FBLN1: variants seen among roughly 807,000 people sequenced by gnomAD.
FBLN1 encodes fibulin 1, also known as fibulin-1.
A neutral mutation model predicts 89.7 loss-of-function variants in FBLN1; 34 were observed. The observed-to-expected ratio is 0.38, with a 90% CI of 0.29 to 0.50. FBLN1 has a LOEUF of 0.50. Among genes scored for constraint, FBLN1 ranks in the 20% least tolerant of loss-of-function variants. The pLI is 0.92. For synonymous variants in FBLN1, 393 were observed against 391.3 expected (o/e 1.00, Z -0.05); for missense variants, 777 against 988.1 (o/e 0.79, Z 2.86).
intron 16 of FBLN1, among the ~76,000 whole-genome samples, chr22:45,593,315 G>A (rs1026319033): frequency 6.6e-6 from 1 of 152,080 alleles, no homozygotes; most frequent in African/African-American, 2.4e-5. Flanking sequence ...CACTGCACCC[G>A]AGCACTTCGT....
chr22:45,563,906 G>A lies in FBLN1; in HGVS notation c.1698-10605G>A, dbSNP rs933461259. On this transcript the variant is annotated intron_variant, in intron 14 of 16. Transcript: ENST00000327858. The surrounding 1 kb of genome is among the most constrained non-coding windows in gnomAD (Gnocchi z 5.7). Reference sequence around the variant, plus strand: ...GTGCAGAAACACGGGATGCGGTTGCGGCTCCTAGGATGCAGCTCTTGCCTC... The same window carrying A: ...GTGCAGAAACACGGGATGCGGTTGCAGCTCCTAGGATGCAGCTCTTGCCTC... Among the ~76,000 whole-genome samples, 2 of 152,186 alleles carry A rather than the reference G, an allele frequency of 1.3e-5. No individual in the cohort carries two copies. The highest frequency in any genetic ancestry group is 4.8e-5 in the African/African-American group (2 of 41,452).
rs2088863134 is a variant in FBLN1, at chr22:45,562,775, C to T, written c.1698-11736C>T. Reference sequence around the variant, plus strand: ...CTCCCGCAGGTGAGTGAGGTGTGCCCTTCGTGTTGGCTGAATCGGCCAGAG... The same window carrying T: ...CTCCCGCAGGTGAGTGAGGTGTGCCTTTCGTGTTGGCTGAATCGGCCAGAG... On this transcript the variant is annotated intron_variant, in intron 14 of 16. Transcript: ENST00000327858. This position sits in a 1 kb window ranked among gnomAD's most constrained non-coding sequence, Gnocchi z 7.8. The T allele has an allele frequency of 3.5e-6, 3 of 857,604 alleles. No homozygotes were observed. The allele number at this position is 857,604 out of a possible 1,614,324, so 53.1% of individuals were successfully genotyped here. A position where few individuals can be genotyped will look rare whatever the true frequency, so the allele number is the denominator to read the frequency against.
intron 6 of FBLN1, 120 bp downstream of exon 6, chr22:45,533,284 C>G: frequency 1.1e-6 from 1 of 907,468 alleles, no homozygotes; most frequent in Non-Finnish European, 1.8e-6. Flanking sequence ...GGGTGGAGAG[C>G]AGCCCAGGAC....
intron 8 of FBLN1, among the ~76,000 whole-genome samples, chr22:45,541,010 G>A (rs528406029): frequency 2.9e-4 from 44 of 152,378 alleles, no homozygotes; most frequent in African/African-American, 9.9e-4. Context: ...TTTAGGGACA[G>A]GAAGAAGGGC....
rs9614490 is a variant in FBLN1 at position 45,556,732 on chromosome 22, C to G, written c.1697+6117C>G. On this transcript the variant is annotated intron_variant, in intron 14 of 16. Transcript: ENST00000327858. The surrounding 1 kb of genome is among the most constrained non-coding windows in gnomAD (Gnocchi z 4.6). ...GTTGACTTAAAGGTAGGAGGAGCTT[C>G]AAGTGTCCAGGTGGCAATCTTAATT... is the stretch of plus-strand genomic sequence containing the variant. 6.6e-6 allele frequency among the ~76,000 whole-genome samples: 1 copy of G among 152,140 alleles called. No individual in the cohort carries two copies. The highest frequency in any genetic ancestry group is 1.5e-5 in the Non-Finnish European group (1 of 68,028).
At chr22:45,518,513 G>T in intron 1 of FBLN1, 169 bp from the exon 2 acceptor site, 1 of 666,206 alleles carries the variant, frequency 1.5e-6, no homozygotes, top group Non-Finnish European at 2.7e-6. Context: ...TCGCAGCTGG[G>T]GTCTGGTGGG....
At chr22:45,542,924 T>C (rs1337992983) in intron 10 of FBLN1, among the ~76,000 whole-genome samples, 1 of 152,240 alleles carries the variant, frequency 6.6e-6, no homozygotes, top group African/African-American at 2.4e-5. Flanking sequence ...GCTCTCCCAC[T>C]GACTTCCCGC....
At chr22:45,596,767 ATATT>A (rs990838881) in intron 16 of FBLN1, among the ~76,000 whole-genome samples, 4 of 147,396 alleles carry the variant, frequency 2.7e-5, no homozygotes, top group Non-Finnish European at 6.0e-5. Flanking sequence ...ACAAATATGG[ATATT>A]TATATATAAT....
intron 1 of FBLN1, among the ~76,000 whole-genome samples, chr22:45,512,195 G>T (rs375834326): frequency 1.3e-5 from 2 of 151,966 alleles, no homozygotes; most frequent in Non-Finnish European, 2.9e-5. Flanking sequence ...AGAAGCAGGC[G>T]TGGCTTCGGT....
chr22:45,511,957 G>A (rs974218037), intron 1 of FBLN1, among the ~76,000 whole-genome samples: 17 of 152,124 alleles, frequency 1.1e-4, no homozygotes, highest in Non-Finnish European at 2.9e-5. Context: ...CAGATGCAGG[G>A]GTCAGATTGA....
chr22:45,575,317 G>A lies in FBLN1; in HGVS notation c.1840+664G>A, dbSNP rs561035661. Among the ~76,000 whole-genome samples, 9 of 152,262 alleles carry A rather than the reference G, an allele frequency of 5.9e-5. No homozygotes were observed. The East Asian group carries it at 1.4e-3, about 23-fold the overall frequency. ...AGTGGTGAGGTATTTGAGTGAAAGGGGGAGAAGGGGAGGAGGGTGCCCAGT... is the reference window on the plus strand; with the variant it reads ...AGTGGTGAGGTATTTGAGTGAAAGGAGGAGAAGGGGAGGAGGGTGCCCAGT... On this transcript the variant is annotated intron_variant, in intron 15 of 16. Coordinates refer to ENST00000327858, the MANE Select transcript of FBLN1 (RefSeq NM_006486.3). The surrounding 1 kb of genome is among the most constrained non-coding windows in gnomAD (Gnocchi z 6.3).
In FBLN1 at chr22:45,550,512, G is replaced by A; in HGVS notation, c.1594G>A (p.Gly532Ser). Residue 532 changes from glycine to serine, a missense_variant, in exon 14 of 17, where the codon GGC (glycine) becomes AGC (serine). Transcript: ENST00000327858. This position sits in a 1 kb window ranked among gnomAD's most constrained non-coding sequence, Gnocchi z 8.4. ...NCQDIDECVTGIHNCSINETC... is the reference protein window; with the variant it reads ...NCQDIDECVTSIHNCSINETC... ...TGCAGACATTGATGAGTGTGTGACT[G>A]GCATCCACAACTGCTCCATCAACGA... is the stretch of plus-strand genomic sequence containing the variant. The A allele has an allele frequency of 1.9e-6, 3 of 1,614,086 alleles. No homozygotes were observed. The highest frequency in any genetic ancestry group is 2.2e-5 in the East Asian group (1 of 44,878).
chr22:45,570,401 A>T (rs2088943420), intron 14 of FBLN1, among the ~76,000 whole-genome samples: 1 of 151,376 alleles, frequency 6.6e-6, no homozygotes, highest in Non-Finnish European at 1.5e-5. Context: ...AGGAAAATAG[A>T]AAAATCGAGT....
chr22:45,537,805 G>A lies in FBLN1; in HGVS notation c.922+2468G>A, dbSNP rs2146974744. 6.6e-6 allele frequency among the ~76,000 whole-genome samples: 1 copy of A among 152,284 alleles called. No homozygotes were observed. The highest frequency in any genetic ancestry group is 2.1e-4 in the South Asian group (1 of 4,820). On this transcript the variant is annotated intron_variant, in intron 8 of 16. Transcript: ENST00000327858. This position sits in a 1 kb window ranked among gnomAD's most constrained non-coding sequence, Gnocchi z 5.7. ...CTCGCCAGTCCCTTGCCAGCAGGGA[G>A]GGGTGGTTTTCGCTCAGCGCAGGGG...
At chr22:45,542,080 T>C in intron 9 of FBLN1, 75 bp from the exon 10 acceptor site, 1 of 1,608,066 alleles carries the variant, frequency 6.2e-7, no homozygotes, top group Admixed American at 1.7e-5. Flanking sequence ...CTTTCTTGCT[T>C]TCCTTTCTGA....
Position 45,530,107 on chromosome 22 carries a change from C to T in FBLN1, c.485-1158C>T, listed in dbSNP as rs1424206066. On this transcript the variant is annotated intron_variant, in intron 4 of 16. Transcript: ENST00000327858. This position sits in a 1 kb window ranked among gnomAD's most constrained non-coding sequence, Gnocchi z 5.4. ...GTTCTTAGTTTTTCAAGTCCAGGGC[C>T]CCATGGATGCCACTGAGATGATTTC... 6.6e-6 allele frequency among the ~76,000 whole-genome samples: 1 copy of T among 152,092 alleles called. No homozygotes were observed. The highest frequency in any genetic ancestry group is 1.5e-5 in the Non-Finnish European group (1 of 68,016).
At chr22:45,560,650 G>A (rs1182401402) in intron 14 of FBLN1, among the ~76,000 whole-genome samples, 2 of 152,160 alleles carry the variant, frequency 1.3e-5, no homozygotes, top group African/African-American at 2.4e-5. Context: ...CTAATCCAAC[G>A]CTATGTTCCT....
rs2089029315 is a variant in FBLN1, at chr22:45,579,988, C to T, written c.1972+2880C>T. Among the ~76,000 whole-genome samples, 1 of 152,004 alleles carries T rather than the reference C, an allele frequency of 6.6e-6. No individual in the cohort carries two copies. Among genetic ancestry groups the T allele is most frequent in the Non-Finnish European group, 1.5e-5 (1 of 68,004 alleles). On this transcript the variant is annotated intron_variant, in intron 16 of 16. Transcript: ENST00000327858. This position sits in a 1 kb window ranked among gnomAD's most constrained non-coding sequence, Gnocchi z 5.5. ...CTGAAAACGTGGGGTTGAACCCTTG[C>T]CGGCTCCTTACCGTTGCTGGGCACC...
chr22:45,588,667 G>A lies in FBLN1; in HGVS notation c.1972+11559G>A, dbSNP rs543547840. ...AGCCTCTTAGTCTCCAGAGCCTCCC[G>A]CAGGAATGATTTGTGACCCTCTTAG... On this transcript the variant is annotated intron_variant, in intron 16 of 16. Coordinates refer to ENST00000327858, the MANE Select transcript of FBLN1 (RefSeq NM_006486.3). This position sits in a 1 kb window ranked among gnomAD's most constrained non-coding sequence, Gnocchi z 5.1. 2.0e-5 allele frequency among the ~76,000 whole-genome samples: 3 copies of A among 151,690 alleles called. No individual in the cohort carries two copies. The highest frequency in any genetic ancestry group is 2.1e-4 in the South Asian group (1 of 4,774).
Sources: allele counts gnomAD v4.1 joint callset (sites outside exome capture counted in the v4.1 genomes callset), GRCh38; gene constraint gnomAD v4.1.1; non-coding constraint Gnocchi (gnomAD v3.1); transcripts MANE v1.5; gene names NCBI Gene and HGNC (gene_info 2026-07-23, HGNC 2026-07-21).